The following OSBPL9 variants were observed in gnomAD, a reference collection of about 807,000 sequenced individuals.
OSBPL9 encodes the protein oxysterol binding protein like 9, also known as oxysterol-binding protein-related protein 9.
A neutral mutation model predicts 106.6 loss-of-function variants in OSBPL9; 40 were observed. That is an observed-to-expected ratio of 0.38 (90% CI 0.29 to 0.49). OSBPL9 has a LOEUF of 0.49. OSBPL9 is among the 20% of genes least tolerant of loss of function. The pLI, the probability that OSBPL9 is intolerant of heterozygous loss-of-function variation, is 0.97. For synonymous variants in OSBPL9, 269 were observed against 295.4 expected (o/e 0.91, Z 0.92); for missense variants, 609 against 887.2 (o/e 0.69, Z 3.98).
At chr1:51,667,290 A>G (rs1330635151) in intron 2 of OSBPL9, among the ~76,000 whole-genome samples, 1 of 152,188 alleles carries the variant, frequency 6.6e-6, no homozygotes, top group Non-Finnish European at 1.5e-5. Flanking sequence ...GAGTTGTTCA[A>G]CCATCATCAT....
intron 1 of OSBPL9, among the ~76,000 whole-genome samples, chr1:51,620,948 C>T (rs764073639): frequency 6.6e-6 from 1 of 152,260 alleles, no homozygotes; most frequent in South Asian, 2.1e-4. Context: ...AGGCTGGCCT[C>T]GAACTTCAGG....
chr1:51,532,421 G>A, the OSBPL9 span, among the ~76,000 whole-genome samples: 1 of 152,184 alleles, frequency 6.6e-6, no homozygotes, highest in Non-Finnish European at 1.5e-5. Context: ...AGAGGGCTGA[G>A]TATGTGGGCA....
chr1:51,765,799 C>G, intron 11 of OSBPL9, 23 bp from the exon 12 acceptor site: 2 of 1,587,884 alleles, frequency 1.3e-6, no homozygotes, highest in Non-Finnish European at 1.7e-6. Flanking sequence ...ATATTTTTCT[C>G]TAAAACCCTT....
At chr1:51,576,750 C>G (rs1645186348), upstream of OSBPL9, among the ~76,000 whole-genome samples, 1 of 152,152 alleles carries the variant, frequency 6.6e-6, no homozygotes, top group Non-Finnish European at 1.5e-5. Flanking sequence ...TGGTCTCAAA[C>G]TCCTGGGCTC....
intron 1 of OSBPL9, among the ~76,000 whole-genome samples, chr1:51,589,839 C>A (rs1645264879): frequency 6.6e-6 from 1 of 151,800 alleles, no homozygotes; most frequent in Non-Finnish European, 1.5e-5. Flanking sequence ...CAAGACCAGC[C>A]TGGCCAACAT....
intron 3 of OSBPL9, among the ~76,000 whole-genome samples, chr1:51,694,359 T>C (rs1655594913): frequency 6.6e-6 from 1 of 152,228 alleles, no homozygotes; most frequent in African/African-American, 2.4e-5. Context: ...CATATCTGCT[T>C]ATGCATTCAA....
chr1:51,758,506 T>A (rs547906040), intron 9 of OSBPL9, among the ~76,000 whole-genome samples: 10 of 151,988 alleles, frequency 6.6e-5, no homozygotes, highest in African/African-American at 2.2e-4. Flanking sequence ...CAAGAGTGAC[T>A]CCATTTTGGT....
intron 8 of OSBPL9, among the ~76,000 whole-genome samples, chr1:51,755,450 A>G (rs1222072823): frequency 1.3e-5 from 2 of 152,210 alleles, no homozygotes; most frequent in Admixed American, 6.5e-5. Context: ...CTTTGACTTC[A>G]TGATGGCAGA....
intron 1 of OSBPL9, among the ~76,000 whole-genome samples, chr1:51,650,176 T>G (rs1646427654): frequency 6.6e-6 from 1 of 152,190 alleles, no homozygotes; most frequent in Non-Finnish European, 1.5e-5. Context: ...ACTAGGATTA[T>G]AATTGGCCCT....
intron 4 of OSBPL9, among the ~76,000 whole-genome samples, chr1:51,744,108 TATGAG>T (rs1667492912): frequency 6.6e-6 from 1 of 152,190 alleles, no homozygotes; most frequent in East Asian, 1.9e-4. Context: ...GAAAACAAAT[TATGAG>T]ATAAGTTGAT....
chr1:51,784,777 G>A, intron 20 of OSBPL9, 195 bp downstream of exon 20: 1 of 651,624 alleles, frequency 1.5e-6, no homozygotes, highest in South Asian at 2.3e-5. Context: ...AGAGCAGTCA[G>A]AGGTCATTGA....
intron 3 of OSBPL9, among the ~76,000 whole-genome samples, chr1:51,701,652 T>TG (rs1354323097): frequency 2.3e-4 from 22 of 94,794 alleles, no homozygotes; most frequent in Non-Finnish European, 3.5e-4. Context: ...GTTTTTTTTG[T>TG]TTTTTTTTTA....
the OSBPL9 span, among the ~76,000 whole-genome samples, chr1:51,559,440 TAC>T: frequency 0.02 from 3,012 of 147,214 alleles, 59 homozygotes; most frequent in African/African-American, 0.047. Context: ...CACACATACA[TAC>T]ACACACACAC....
At position 51,787,451 on chromosome 1, in the gene OSBPL9, G is replaced by A. The variant is rs770976854; in HGVS notation, c.2099G>A (p.Arg700Gln). ...GAAGAAAGACAAAGAGCAGAAGCCC[G>A]AGAAAGGAAGGAGAAGGAAATTCAG... ...RLEERQRAEA[R>Q]ERKEKEIQWE... The change falls in exon 23 of 24, where the codon CGA becomes CAA. Residue 700 changes from arginine to glutamine, a missense_variant. Around this residue, in one of 5 missense-constraint regions of OSBPL9, gnomAD observed 132 missense variants for 158.1 expected, o/e 0.83. Transcript: ENST00000428468. 4.3e-6 allele frequency: 7 copies of A among 1,613,906 alleles called. No homozygotes were observed. Among genetic ancestry groups the A allele is most frequent in the East Asian group, 2.2e-5 (1 of 44,892 alleles).
At chr1:51,770,994 T>C (rs1673747305) in intron 12 of OSBPL9, among the ~76,000 whole-genome samples, 1 of 152,038 alleles carries the variant, frequency 6.6e-6, no homozygotes. Context: ...TGTAGGCTCA[T>C]TGGTTGTAAG....
chr1:51,784,649 C>T (rs958130095), intron 20 of OSBPL9, 67 bp downstream of exon 20: 4 of 1,520,296 alleles, frequency 2.6e-6, no homozygotes, highest in East Asian at 4.5e-5. Flanking sequence ...TCTTGAACTA[C>T]AGCTTCTGGA....
At chr1:51,521,386 T>C in the OSBPL9 span, among the ~76,000 whole-genome samples, 1 of 152,202 alleles carries the variant, frequency 6.6e-6, no homozygotes, top group Admixed American at 6.5e-5. Context: ...ATGTAAGATA[T>C]TCCTCTCAGA....
intron 2 of OSBPL9, among the ~76,000 whole-genome samples, chr1:51,667,391 C>T (rs1648771879): frequency 6.6e-6 from 1 of 152,182 alleles, no homozygotes; most frequent in Non-Finnish European, 1.5e-5. Flanking sequence ...CCTCCCAGCA[C>T]TAGACAACCA....
At position 51,772,654 on chromosome 1, in the gene OSBPL9, T is replaced by A. The variant is rs1674190784; in HGVS notation, c.1101T>A (p.Ser367=). 2 of 1,614,114 alleles carry A rather than the reference T, an allele frequency of 1.2e-6. No homozygotes were observed. The highest frequency in any genetic ancestry group is 2.7e-5 in the African/African-American group (2 of 74,946). The stretch of plus-strand genomic sequence containing the variant: ...GAGATGATGATGCGGAGGCAGGGTC[T>A]GTGGAGGAGCACAAGAGCGTTATCA... ...DDRDDDAEAG[S]VEEHKSVIMH... Residue 367 remains serine, a synonymous_variant, in exon 14 of 24, where the codon TCT becomes TCA. Coordinates refer to ENST00000428468, the MANE Select transcript of OSBPL9 (RefSeq NM_024586.6).
Sources: allele counts gnomAD v4.1 joint callset (sites outside exome capture counted in the v4.1 genomes callset), GRCh38; gene constraint gnomAD v4.1.1; regional missense constraint gnomAD v4.1.1; transcripts MANE v1.5; gene names NCBI Gene and HGNC (gene_info 2026-07-23, HGNC 2026-07-21).